ROR1: variants seen among roughly 807,000 people sequenced by gnomAD.
The protein encoded by ROR1 is inactive tyrosine-protein kinase transmembrane receptor ROR1.
Under a neutral mutation model 78.8 loss-of-function variants are expected in ROR1, and 19 were observed. The ratio of observed to expected loss-of-function variants is 0.24; its 90% CI spans 0.17 to 0.35. ROR1 has a LOEUF of 0.35. Among genes scored for constraint, ROR1 ranks in the 10% least tolerant of loss-of-function variants. ROR1 has a pLI of 1.00. For missense variants in ROR1, 917 were observed against 1,177.8 expected (o/e 0.78, Z 3.24); for synonymous variants, 386 against 433.6 (o/e 0.89, Z 1.36).
chr1:63,995,679 T>C (rs285368), intron 1 of ROR1, among the ~76,000 whole-genome samples: 100,319 of 152,116 alleles, frequency 0.66, 37,601 homozygotes, highest in East Asian at 0.94. Context: ...CTTAGAGTTC[T>C]CATCTGTAAA....
chr1:63,788,855 G>T, intron 1 of ROR1: 2 of 748,314 alleles, frequency 2.7e-6, no homozygotes, highest in Non-Finnish European at 2.3e-6. Context: ...AGCTTCATGC[G>T]AGCCTTATCT....
rs79140542 is a variant in ROR1 at position 64,153,601 on chromosome 1, A to T, written c.1175-5380A>T. On this transcript the variant is annotated intron_variant, in intron 7 of 8. Transcript: ENST00000371079. ...AAAGAAGGAAATCCTGTCACATGGTACAGCATCATGAACCTAGAGGACATT... is the reference window on the plus strand; with the variant it reads ...AAAGAAGGAAATCCTGTCACATGGTTCAGCATCATGAACCTAGAGGACATT... 8.7e-3 allele frequency among the ~76,000 whole-genome samples: 1,319 copies of T among 152,300 alleles called. 14 individuals are homozygous for T. Among genetic ancestry groups the T allele is most frequent in the African/African-American group, 0.03 (1,242 of 41,556 alleles).
intron 1 of ROR1, among the ~76,000 whole-genome samples, chr1:63,945,204 G>C (rs896322875): frequency 5.9e-5 from 9 of 152,002 alleles, no homozygotes; most frequent in African/African-American, 2.2e-4. Flanking sequence ...ACTTGTTAAG[G>C]GTCTATAAGG....
At chr1:64,011,537 C>A (rs889168875) in intron 2 of ROR1, among the ~76,000 whole-genome samples, 6 of 152,188 alleles carry the variant, frequency 3.9e-5, no homozygotes, top group Admixed American at 3.3e-4. Flanking sequence ...AGAACCCAGC[C>A]TGCCAGACTT....
intron 7 of ROR1, among the ~76,000 whole-genome samples, chr1:64,152,572 G>A (rs1054122283): frequency 3.9e-5 from 6 of 151,996 alleles, no homozygotes; most frequent in Admixed American, 6.6e-5. Flanking sequence ...TTGTTTTTAG[G>A]GTTTGGTTAC....
rs1644709865 is a variant in ROR1 at position 63,789,117 on chromosome 1, C to G, written c.91+14609C>G. 4.9e-6 allele frequency: 3 copies of G among 611,970 alleles called. No individual in the cohort carries two copies. The Admixed American group carries it at 5.6e-5, about 11-fold the overall frequency. The allele number at this position is 611,970 out of a possible 1,614,324, so 37.9% of individuals were successfully genotyped here. ...CCGGTAGGCCAAGGTGTTTTCCTGGCATCGAGCCTGGGAATGGACAGTCAT... is the reference window on the plus strand; with the variant it reads ...CCGGTAGGCCAAGGTGTTTTCCTGGGATCGAGCCTGGGAATGGACAGTCAT... On this transcript the variant is annotated intron_variant, in intron 1 of 8. Coordinates refer to ENST00000371079, the MANE Select transcript of ROR1 (RefSeq NM_005012.4).
At chr1:63,849,781 TA>T (rs1645102593) in intron 1 of ROR1, among the ~76,000 whole-genome samples, 1 of 152,242 alleles carries the variant, frequency 6.6e-6, no homozygotes. Flanking sequence ...CCTGGATATC[TA>T]GACCAATCCA....
intron 1 of ROR1, among the ~76,000 whole-genome samples, chr1:63,993,255 C>A (rs1177386640): frequency 2.0e-5 from 3 of 152,140 alleles, no homozygotes; most frequent in African/African-American, 4.8e-5. Flanking sequence ...TCTATGGAGT[C>A]CCGTAAAACT....
intron 1 of ROR1, among the ~76,000 whole-genome samples, chr1:63,969,985 T>C (rs1260657392): frequency 1.3e-5 from 2 of 152,190 alleles, no homozygotes; most frequent in Non-Finnish European, 2.9e-5. Context: ...AATCATTACT[T>C]TCTTTTATCC....
At chr1:63,903,009 A>G (rs1404283534) in intron 1 of ROR1, among the ~76,000 whole-genome samples, 4 of 152,206 alleles carry the variant, frequency 2.6e-5, no homozygotes, top group African/African-American at 9.6e-5. Context: ...AAGCTTGCTC[A>G]GAAACCCTAC....
chr1:63,864,861 T>A (rs1390113), intron 1 of ROR1, among the ~76,000 whole-genome samples: 31,300 of 151,004 alleles, frequency 0.21, 3,490 homozygotes, highest in Middle Eastern at 0.27. Context: ...TTAATTTTTT[T>A]ATTTTTTTTC....
chr1:64,126,203 T>C (rs556627277), intron 4 of ROR1, among the ~76,000 whole-genome samples: 1 of 152,234 alleles, frequency 6.6e-6, no homozygotes, highest in East Asian at 1.9e-4. Flanking sequence ...TGTGATATGT[T>C]CAGAAACTAT....
At chr1:63,921,925 A>G (rs944818351) in intron 1 of ROR1, among the ~76,000 whole-genome samples, 1 of 152,184 alleles carries the variant, frequency 6.6e-6, no homozygotes, top group Non-Finnish European at 1.5e-5. Context: ...TAAAAAATAT[A>G]GAGTCTGTCT....
chr1:64,068,994 T>G (rs1394745277), intron 4 of ROR1, among the ~76,000 whole-genome samples: 1 of 152,208 alleles, frequency 6.6e-6, no homozygotes, highest in Non-Finnish European at 1.5e-5. Context: ...AGCTAAATAA[T>G]AGCTAAAATA....
intron 1 of ROR1, among the ~76,000 whole-genome samples, chr1:63,963,907 TA>T (rs1195137891): frequency 6.6e-6 from 1 of 152,212 alleles, no homozygotes; most frequent in Non-Finnish European, 1.5e-5. Context: ...AGCAGTAAGA[TA>T]GAAGAAATCT....
intron 1 of ROR1, among the ~76,000 whole-genome samples, chr1:63,824,865 A>G (rs554827856): frequency 6.6e-6 from 1 of 152,176 alleles, no homozygotes; most frequent in Non-Finnish European, 1.5e-5. Flanking sequence ...TTACGTATGT[A>G]TAATGTCTTT....
intron 1 of ROR1, among the ~76,000 whole-genome samples, chr1:63,983,000 T>C (rs1646222503): frequency 6.6e-6 from 1 of 152,214 alleles, no homozygotes; most frequent in Admixed American, 6.5e-5. Flanking sequence ...ATATAGTATG[T>C]ACTCTGTAAA....
At chr1:63,923,944 T>C (rs1354166656) in intron 1 of ROR1, among the ~76,000 whole-genome samples, 1 of 151,924 alleles carries the variant, frequency 6.6e-6, no homozygotes. Flanking sequence ...GTGCTGTTTG[T>C]CCCCTTTGCC....
intron 1 of ROR1, among the ~76,000 whole-genome samples, chr1:63,922,735 TGTTGATG>T (rs766430947): frequency 6.6e-6 from 1 of 152,156 alleles, no homozygotes; most frequent in Non-Finnish European, 1.5e-5. Flanking sequence ...AGTGCTGTGA[TGTTGATG>T]GTTTTGTTAC....
Sources: allele counts gnomAD v4.1 joint callset (sites outside exome capture counted in the v4.1 genomes callset), GRCh38; gene constraint gnomAD v4.1.1; transcripts MANE v1.5; gene names NCBI Gene and HGNC (gene_info 2026-07-23, HGNC 2026-07-21).